Variants in STT3A observed in about 807,000 individuals in gnomAD.
The protein encoded by STT3A is STT3 oligosaccharyltransferase complex catalytic subunit A.
A neutral mutation model predicts 89.2 loss-of-function variants in STT3A; 34 were observed. The observed-to-expected ratio is 0.38, with a 90% CI of 0.29 to 0.51. The LOEUF (loss-of-function observed/expected upper bound fraction) is 0.51, where lower values mean the gene tolerates loss of function less well. Ranked by LOEUF, STT3A falls within the 20% of genes least tolerant of loss-of-function variation. STT3A has a pLI of 0.89. For missense variants in STT3A, 555 were observed against 889.5 expected (o/e 0.62, Z 4.78); for synonymous variants, 282 against 310.3 (o/e 0.91, Z 0.96).
At position 125,620,845 on chromosome 11, in the gene STT3A, GCACATC is replaced by G. The variant is rs748463792; in HGVS notation, c.*36_*41del. Reference sequence around the variant, plus strand: ...CCAGCTCTGATATGCTTCGCACTGAGCACATCACATTTAGGACGTTGAAGATTTTTT... The same window carrying G: ...CCAGCTCTGATATGCTTCGCACTGAGACATTTAGGACGTTGAAGATTTTTT... On this transcript the variant is annotated 3_prime_UTR_variant, in exon 18 of 18. Coordinates refer to ENST00000392708, the MANE Select transcript of STT3A (RefSeq NM_152713.5). The G allele has an allele frequency of 3.3e-6, 5 of 1,535,998 alleles. No homozygotes were observed. Among genetic ancestry groups the G allele is most frequent in the Non-Finnish European group, 3.6e-6 (4 of 1,123,296 alleles).
At position 125,609,554 on chromosome 11, in the gene STT3A, A is replaced by G. The variant is rs370684336; in HGVS notation, c.1082A>G (p.Tyr361Cys). Residue 361 changes from tyrosine to cysteine, a missense_variant, in exon 10 of 18, where the codon TAT becomes TGT. Physicochemically the swap from Tyr to Cys is radical, Grantham distance 194. Transcript: ENST00000392708. ...CAGCCCACAACCTGGTCCTCATACT[A>G]TTTTGACCTGCAGCTCCTCGTCTTC... ...EHQPTTWSSY[Y>C]FDLQLLVFMF... The G allele has an allele frequency of 2.5e-6, 4 of 1,613,798 alleles. No homozygotes were observed. In the African/African-American group the frequency reaches 4.0e-5, roughly 16 times the overall value.
At chr11:125,596,331 G>C (rs964709973) in intron 2 of STT3A, among the ~76,000 whole-genome samples, 15 of 152,144 alleles carry the variant, frequency 9.9e-5, no homozygotes, top group Non-Finnish European at 1.9e-4. Flanking sequence ...TGAGTGTGGT[G>C]GTGGATGCCT....
Position 125,602,454 on chromosome 11 carries a change from A to T in STT3A, c.271+30A>T, listed in dbSNP as rs563218314. On this transcript the variant is annotated intron_variant, in intron 4 of 17. Coordinates refer to ENST00000392708, the MANE Select transcript of STT3A (RefSeq NM_152713.5). ...GGAGACCAGATGTGTTTTTTTTTTT[A>T]AAAAAAAAACAGAAATATTTGTATG... 4,345 of 1,337,188 alleles carry T rather than the reference A, an allele frequency of 3.2e-3. 52 individuals are homozygous for T. The African/African-American group carries it at 0.038, about 12-fold the overall frequency. 82.8% of individuals were successfully genotyped at this position (1,337,188 alleles called of 1,614,324 possible).
chr11:125,599,364 C>T (rs1191711076), intron 3 of STT3A, among the ~76,000 whole-genome samples: 1 of 152,142 alleles, frequency 6.6e-6, no homozygotes, highest in African/African-American at 2.4e-5. Flanking sequence ...CATGATTATC[C>T]ATAGTAATTA....
At chr11:125,596,808 T>C (rs868385322) in intron 2 of STT3A, among the ~76,000 whole-genome samples, 8 of 152,338 alleles carry the variant, frequency 5.3e-5, no homozygotes, top group Middle Eastern at 6.8e-3. Flanking sequence ...TAGGTGAATG[T>C]AATGTTATAG....
At chr11:125,592,169 A>G (rs1248977549), upstream of STT3A, among the ~76,000 whole-genome samples, 1 of 152,152 alleles carries the variant, frequency 6.6e-6, no homozygotes, top group East Asian at 1.9e-4. Context: ...AAATGCTTCC[A>G]GCTTAGCCCC....
At chr11:125,617,422 T>C (rs1940208623) in intron 15 of STT3A, among the ~76,000 whole-genome samples, 1 of 152,200 alleles carries the variant, frequency 6.6e-6, no homozygotes, top group Non-Finnish European at 1.5e-5. Flanking sequence ...CCAGAGTCTG[T>C]TCTTAACCAC....
At chr11:125,611,641 G>A in intron 11 of STT3A, 122 bp downstream of exon 11, 1 of 886,876 alleles carries the variant, frequency 1.1e-6, no homozygotes, top group Non-Finnish European at 1.7e-6. Context: ...GCATTTGAGG[G>A]AATGAGTTGT....
intron 9 of STT3A, 110 bp from the exon 10 acceptor site, chr11:125,609,324 A>C: frequency 7.1e-7 from 1 of 1,404,758 alleles, no homozygotes; most frequent in Non-Finnish European, 9.5e-7. Flanking sequence ...CAAAAACCTA[A>C]TCCTTCTCTG....
intron 4 of STT3A, 82 bp downstream of exon 4, chr11:125,602,506 A>C (rs1437415033): frequency 7.1e-7 from 1 of 1,407,718 alleles, no homozygotes; most frequent in Non-Finnish European, 9.4e-7. Flanking sequence ...TTTTATTTCT[A>C]ATAGCTTTGT....
rs1315212270 is a variant in STT3A, at chr11:125,621,337, C to T, written c.*527C>T. On this transcript the variant is annotated 3_prime_UTR_variant, in exon 18 of 18. Transcript: ENST00000392708. Reference sequence around the variant, plus strand: ...TTTTATTGAATGAATAAATGTGGGACCAGAAGAGTGCTAGAAGAGTGCCTT... The same window carrying T: ...TTTTATTGAATGAATAAATGTGGGATCAGAAGAGTGCTAGAAGAGTGCCTT... The T allele has an allele frequency of 1.3e-5, 2 of 152,366 alleles. No individual in the cohort carries two copies. The highest frequency in any genetic ancestry group is 4.8e-5 in the African/African-American group (2 of 41,438). The allele number at this position is 152,366 out of a possible 1,614,324, so 9.4% of individuals were successfully genotyped here.
Position 125,618,399 on chromosome 11 carries a change from C to G in STT3A, c.1801C>G (p.Arg601Gly). 1 of 1,608,302 alleles carries G rather than the reference C, an allele frequency of 6.2e-7. No individual in the cohort carries two copies. Among genetic ancestry groups the G allele is most frequent in the Non-Finnish European group, 8.5e-7 (1 of 1,177,984 alleles). The change falls in exon 16 of 18, where the codon CGG becomes GGG. Residue 601 changes from arginine (R) to glycine (G), a missense_variant. Transcript: ENST00000392708. ...DDINKFLWMVRIGGSTDTGKH... is the reference protein window; with the variant it reads ...DDINKFLWMVGIGGSTDTGKH... ...TATCAACAAGTTTCTTTGGATGGTCCGGATTGGAGGGAGCACAGATACAGG... is the reference window on the plus strand; with the variant it reads ...TATCAACAAGTTTCTTTGGATGGTCGGGATTGGAGGGAGCACAGATACAGG...
In STT3A at chr11:125,614,311, T is replaced by C. The variant is rs1471255641; in HGVS notation, c.1672-13T>C. 1 of 1,614,098 alleles carries C rather than the reference T, an allele frequency of 6.2e-7. No individual in the cohort carries two copies. Among genetic ancestry groups the C allele is most frequent in the Non-Finnish European group, 8.5e-7 (1 of 1,179,996 alleles). ...GGGATTTTGCTCTGAGAATTGTACA[T>C]TTGTTTTTCCAGGCAATGGCGTCCA... is the stretch of plus-strand genomic sequence containing the variant. On this transcript the variant is annotated splice_polypyrimidine_tract_variant and intron_variant, in intron 14 of 17. Coordinates refer to ENST00000392708, the MANE Select transcript of STT3A (RefSeq NM_152713.5). The surrounding 1 kb of genome is among the most constrained non-coding windows in gnomAD (Gnocchi z 4.9).
chr11:125,595,975 T>C lies in STT3A; in HGVS notation c.60T>C (p.Leu20=). Residue 20 remains leucine, a synonymous_variant, in exon 2 of 18, where the codon CTT becomes CTC. Coordinates refer to ENST00000392708, the MANE Select transcript of STT3A (RefSeq NM_152713.5). ...SYEKQDTLLK[L]LILSMAAVLS... is the part of the protein sequence containing the mutation. ...AGAAGCAGGACACACTTTTGAAGCT[T>C]CTCATTCTGTCAATGGCTGCTGTAT... is the stretch of plus-strand genomic sequence containing the variant. The C allele has an allele frequency of 2.5e-6, 4 of 1,614,006 alleles. No individual in the cohort carries two copies. Among genetic ancestry groups the C allele is most frequent in the Non-Finnish European group, 3.4e-6 (4 of 1,179,884 alleles).
At chr11:125,592,155 G>A (rs1242252775), upstream of STT3A, among the ~76,000 whole-genome samples, 2 of 152,192 alleles carry the variant, frequency 1.3e-5, no homozygotes, top group Admixed American at 1.3e-4. Context: ...TCAGCTGGCA[G>A]TAGAAATGCT....
intron 2 of STT3A, 40 bp downstream of exon 2, chr11:125,596,043 A>C: frequency 6.8e-7 from 1 of 1,478,064 alleles, no homozygotes; most frequent in Non-Finnish European, 9.3e-7. Flanking sequence ...TGGGGATAGA[A>C]AGAAGAAAGT....
chr11:125,620,796 T>TTGTCAAGGACATAAA lies in STT3A; in HGVS notation c.2110_*6dup. 6.2e-7 allele frequency: 1 copy of TTGTCAAGGACATAAA among 1,614,036 alleles called. No individual in the cohort carries two copies. Among genetic ancestry groups the TTGTCAAGGACATAAA allele is most frequent in the South Asian group, 1.1e-5 (1 of 91,082 alleles). On this transcript the variant is annotated stop_gained and inframe_insertion, in exon 18 of 18. Transcript: ENST00000392708. LOFTEE classifies it high-confidence loss of function. ...GGTAAAGGACCTGGATAATCGAGGC[T>TTGTCAAGGACATAAA]TGTCAAGGACATAAATGTCACGTCC...
chr11:125,599,716 A>G (rs898775261), intron 3 of STT3A, among the ~76,000 whole-genome samples: 5 of 147,322 alleles, frequency 3.4e-5, no homozygotes, highest in African/African-American at 1.3e-4. Context: ...CCTCTTCTTT[A>G]TTTTTATTTA....
chr11:125,598,287 C>T (rs535990349), intron 3 of STT3A, among the ~76,000 whole-genome samples: 10 of 152,034 alleles, frequency 6.6e-5, no homozygotes, highest in African/African-American at 1.4e-4. Context: ...TTATTCAGTA[C>T]GTGGAGGAAC....
Sources: allele counts gnomAD v4.1 joint callset (sites outside exome capture counted in the v4.1 genomes callset), GRCh38; gene constraint gnomAD v4.1.1; non-coding constraint Gnocchi (gnomAD v3.1); transcripts MANE v1.5; gene names NCBI Gene and HGNC (gene_info 2026-07-23, HGNC 2026-07-21).